The following CNTNAP2 variants were observed in gnomAD, a reference collection of about 807,000 sequenced individuals.
The protein encoded by CNTNAP2 is contactin-associated protein-like 2.
A neutral mutation model predicts 155.2 loss-of-function variants in CNTNAP2; 98 were observed. The ratio of observed to expected loss-of-function variants is 0.63; its 90% CI spans 0.54 to 0.75. CNTNAP2 has a LOEUF of 0.75. Ranked by LOEUF, CNTNAP2 falls within the 30% of genes least tolerant of loss-of-function variation. CNTNAP2 has a pLI of 0.00. For synonymous variants in CNTNAP2, 651 were observed against 631.2 expected (o/e 1.03, Z -0.47); for missense variants, 1,727 against 1,688.1 (o/e 1.02, Z -0.40).
At chr7:146,181,732 A>T (rs1466290562) in intron 1 of CNTNAP2, among the ~76,000 whole-genome samples, 2 of 152,152 alleles carry the variant, frequency 1.3e-5, no homozygotes, top group Non-Finnish European at 2.9e-5. Context: ...AAGGTTTTTG[A>T]CCATGAATGG....
chr7:147,886,036 G>A lies in CNTNAP2; in HGVS notation c.2099-17529G>A, dbSNP rs35814206. Among the ~76,000 whole-genome samples the A allele has an allele frequency of 5.2e-3, 785 of 152,184 alleles. 4 individuals carry two copies. Among genetic ancestry groups the A allele is most frequent in the Non-Finnish European group, 8.2e-3 (558 of 68,006 alleles). ...ACGTTGCCTAGACCCTTCCCATTTT[G>A]TAGCTGCTTTCCTAAATTCTTTCTT... On this transcript the variant is annotated intron_variant, in intron 13 of 23. Coordinates refer to ENST00000361727, the MANE Select transcript of CNTNAP2 (RefSeq NM_014141.6).
intron 15 of CNTNAP2, among the ~76,000 whole-genome samples, chr7:148,114,786 T>C (rs1804429759): frequency 6.6e-6 from 1 of 152,226 alleles, no homozygotes; most frequent in African/African-American, 2.4e-5. Flanking sequence ...ATTTATATAG[T>C]GTACATTATA....
In CNTNAP2 at chr7:146,251,560, C is replaced by T. The variant is rs142420534; in HGVS notation, c.97+134587C>T. ...TAAGTTGCATATAGCAAAGAAGTTA[C>T]GAACTTTTATAGTCAAGGACCTCAT... On this transcript the variant is annotated intron_variant, in intron 1 of 23. Coordinates refer to ENST00000361727, the MANE Select transcript of CNTNAP2 (RefSeq NM_014141.6). 7.6e-3 allele frequency among the ~76,000 whole-genome samples: 1,152 copies of T among 152,156 alleles called. 16 individuals carry two copies. Among genetic ancestry groups the T allele is most frequent in the African/African-American group, 0.025 (1,052 of 41,510 alleles).
At chr7:148,169,170 A>G (rs1805728915) in intron 17 of CNTNAP2, among the ~76,000 whole-genome samples, 1 of 152,230 alleles carries the variant, frequency 6.6e-6, no homozygotes, top group Admixed American at 6.5e-5. Flanking sequence ...AACACAAAGA[A>G]ACAAAAAATA....
intron 8 of CNTNAP2, among the ~76,000 whole-genome samples, chr7:147,287,114 A>G (rs976318931): frequency 6.6e-6 from 1 of 152,134 alleles, no homozygotes. Flanking sequence ...ACTACGCTCA[A>G]CTTCAAATAT....
chr7:146,738,780 C>T (rs556763565), intron 1 of CNTNAP2, among the ~76,000 whole-genome samples: 23 of 150,622 alleles, frequency 1.5e-4, no homozygotes, highest in African/African-American at 3.9e-4. Context: ...TCTTCTTTGA[C>T]GGTAGACATT....
At chr7:147,511,462 T>C (rs1190905121) in intron 11 of CNTNAP2, among the ~76,000 whole-genome samples, 3 of 151,146 alleles carry the variant, frequency 2.0e-5, no homozygotes, top group African/African-American at 7.3e-5. Flanking sequence ...AAACAACATT[T>C]TTTTTTTTTG....
intron 9 of CNTNAP2, among the ~76,000 whole-genome samples, chr7:147,343,596 GTTAAA>G: frequency 6.6e-6 from 1 of 152,198 alleles, no homozygotes; most frequent in African/African-American, 2.4e-5. Flanking sequence ...TTTACTAAGT[GTTAAA>G]TTAGTTTTAA....
At chr7:148,299,213 A>G (rs1029160522) in intron 21 of CNTNAP2, among the ~76,000 whole-genome samples, 4 of 151,834 alleles carry the variant, frequency 2.6e-5, no homozygotes, top group Non-Finnish European at 4.4e-5. Flanking sequence ...AATGGTCTCA[A>G]TCTCCCGACC....
At chr7:146,837,649 A>G (rs1803644150) in intron 2 of CNTNAP2, among the ~76,000 whole-genome samples, 1 of 152,020 alleles carries the variant, frequency 6.6e-6, no homozygotes, top group African/African-American at 2.4e-5. Context: ...TATGGATGCA[A>G]TGTTGTTCAG....
chr7:146,310,926 C>T (rs1800810344), intron 1 of CNTNAP2, among the ~76,000 whole-genome samples: 1 of 152,166 alleles, frequency 6.6e-6, no homozygotes, highest in Non-Finnish European at 1.5e-5. Context: ...GGAATTTTAA[C>T]AGTTACCTCT....
intron 1 of CNTNAP2, among the ~76,000 whole-genome samples, chr7:146,711,412 T>C (rs1801070016): frequency 6.8e-6 from 1 of 147,654 alleles, no homozygotes; most frequent in Non-Finnish European, 1.5e-5. Flanking sequence ...ATATATACTA[T>C]GTAATATATA....
intron 2 of CNTNAP2, among the ~76,000 whole-genome samples, chr7:146,776,692 G>A (rs1209803918): frequency 6.6e-6 from 1 of 151,960 alleles, no homozygotes; most frequent in Non-Finnish European, 1.5e-5. Context: ...TTTTTTAATG[G>A]GAATTAACAT....
intron 12 of CNTNAP2, among the ~76,000 whole-genome samples, chr7:147,562,493 T>A (rs142453287): frequency 3.9e-4 from 60 of 152,286 alleles, no homozygotes; most frequent in Middle Eastern, 3.4e-3. Context: ...ATCATTTTTT[T>A]AAAATCAGCA....
chr7:147,949,459 T>TATATATATA (rs1554453475), intron 14 of CNTNAP2, among the ~76,000 whole-genome samples: 1 of 129,840 alleles, frequency 7.7e-6, no homozygotes, highest in Non-Finnish European at 1.6e-5. Context: ...TATATATATA[T>TATATATATA]TTTTTTTTTT....
At chr7:146,834,657 C>T (rs1684882022) in intron 2 of CNTNAP2, among the ~76,000 whole-genome samples, 1 of 152,154 alleles carries the variant, frequency 6.6e-6, no homozygotes, top group Non-Finnish European at 1.5e-5. Context: ...TAGTTATTTG[C>T]TAGATGTTTT....
intron 13 of CNTNAP2, among the ~76,000 whole-genome samples, chr7:147,838,146 C>A (rs776548632): frequency 2.6e-5 from 4 of 152,200 alleles, no homozygotes; most frequent in Non-Finnish European, 4.4e-5. Context: ...TACCTTGACC[C>A]CTTTTAGTCA....
At chr7:148,264,514 C>A (rs953950438) in intron 20 of CNTNAP2, among the ~76,000 whole-genome samples, 2 of 151,846 alleles carry the variant, frequency 1.3e-5, no homozygotes, top group African/African-American at 4.8e-5. Flanking sequence ...CAATGTGTTA[C>A]TTGGGTTCCA....
At chr7:146,931,845 G>A (rs1796765663) in intron 3 of CNTNAP2, among the ~76,000 whole-genome samples, 1 of 152,080 alleles carries the variant, frequency 6.6e-6, no homozygotes, top group Non-Finnish European at 1.5e-5. Flanking sequence ...AGAAGAAATG[G>A]ATACATTCCT....
Sources: gnomAD v4.1 joint callset for allele counts (sites outside exome capture counted in the v4.1 genomes callset) on GRCh38, gnomAD v4.1.1 for gene constraint, MANE v1.5 for transcripts, NCBI Gene and HGNC (gene_info 2026-07-23, HGNC 2026-07-21) for gene names.